The following LIPH variants were observed in gnomAD, a reference collection of about 807,000 sequenced individuals.
The protein encoded by LIPH is lipase H, also known as lipase member H.
A neutral mutation model predicts 47.6 loss-of-function variants in LIPH; 32 were observed. The ratio of observed to expected loss-of-function variants is 0.67; its 90% CI spans 0.51 to 0.90. LIPH has a LOEUF of 0.90. Among genes scored for constraint, LIPH ranks in the 40% least tolerant of loss-of-function variants. The probability of loss-of-function intolerance (pLI) is 0.00; values close to 1 mark genes in which losing one functional copy is unlikely to be tolerated. For synonymous variants in LIPH, 190 were observed against 195.6 expected (o/e 0.97, Z 0.24); for missense variants, 497 against 541.4 (o/e 0.92, Z 0.81).
Position 185,511,676 on chromosome 3 carries a change from T to C in LIPH, c.1116A>G (p.Lys372=), listed in dbSNP as rs61730237. 677,144 of 1,609,114 alleles carry C rather than the reference T, an allele frequency of 0.42. 145,189 individuals are homozygous for C. The highest frequency in any genetic ancestry group is 0.44 in the Non-Finnish European group (520,385 of 1,175,664). ...TTGCAAGTAGACTCACTTGGTGATA[T>C]TTCTGAAATGTGGTGGGTTCACTGG... ...KINHEPTTFQ[K]YHQVSLLARF... Residue 372 remains lysine (K), a synonymous_variant, in exon 9 of 10, where the codon AAA becomes AAG. Coordinates refer to ENST00000296252, the MANE Select transcript of LIPH (RefSeq NM_139248.3).
chr3:185,508,740 G>T lies in LIPH; in HGVS notation c.*50C>A, dbSNP rs1437007898. The stretch of plus-strand genomic sequence containing the variant: ...GTGAGGTGAAGCTTTCAAACAGCCT[G>T]TGGTTGTAGCTTTCTTTCTATTATT... On this transcript the variant is annotated 3_prime_UTR_variant, in exon 10 of 10. Coordinates refer to ENST00000296252, the MANE Select transcript of LIPH (RefSeq NM_139248.3). 6 of 1,308,098 alleles carry T rather than the reference G, an allele frequency of 4.6e-6. No homozygotes were observed. The highest frequency in any genetic ancestry group is 5.5e-6 in the Non-Finnish European group (5 of 901,150). The allele number at this position is 1,308,098 out of a possible 1,614,324, so 81.0% of individuals were successfully genotyped here. A position where few individuals can be genotyped will look rare whatever the true frequency, so the allele number is the denominator to read the frequency against.
chr3:185,536,608 G>A (rs1720508028), intron 1 of LIPH, among the ~76,000 whole-genome samples: 1 of 152,012 alleles, frequency 6.6e-6, no homozygotes, highest in African/African-American at 2.4e-5. Flanking sequence ...TTTTCAAAAA[G>A]GCTCTGGTAC....
intron 1 of LIPH, among the ~76,000 whole-genome samples, chr3:185,541,674 G>A (rs1188925804): frequency 2.0e-5 from 3 of 151,434 alleles, no homozygotes; most frequent in Non-Finnish European, 4.4e-5. Context: ...CCAAAGTGTG[G>A]GATTATAGGC....
chr3:185,530,289 G>A (rs1423451582), intron 3 of LIPH, among the ~76,000 whole-genome samples: 2 of 152,052 alleles, frequency 1.3e-5, no homozygotes, highest in Admixed American at 6.6e-5. Context: ...GACCAGCCTG[G>A]CCAACATGAT....
chr3:185,531,696 C>A (rs1279626831), intron 3 of LIPH, among the ~76,000 whole-genome samples: 2 of 151,900 alleles, frequency 1.3e-5, no homozygotes, highest in South Asian at 2.1e-4. Context: ...ACCTGGGCAA[C>A]AACATGAGAT....
At chr3:185,527,362 T>C in intron 4 of LIPH, 122 bp downstream of exon 4, 1 of 800,944 alleles carries the variant, frequency 1.2e-6, no homozygotes, top group Non-Finnish European at 2.2e-6. Flanking sequence ...TTTGGAACCC[T>C]GCCTGGAAAA....
chr3:185,544,527 G>A (rs1260792105), intron 1 of LIPH, among the ~76,000 whole-genome samples: 1 of 151,422 alleles, frequency 6.6e-6, no homozygotes, highest in Admixed American at 6.6e-5. Context: ...GCTAATTTTT[G>A]TATTTTTAGT....
chr3:185,517,298 G>C, intron 6 of LIPH, 136 bp from the exon 7 acceptor site: 1 of 658,864 alleles, frequency 1.5e-6, no homozygotes, highest in South Asian at 1.7e-5. Context: ...CATCCCCCAT[G>C]GTGAGGGCCT....
intron 5 of LIPH, among the ~76,000 whole-genome samples, chr3:185,522,567 G>T (rs1264426232): frequency 2.7e-5 from 4 of 150,596 alleles, no homozygotes; most frequent in African/African-American, 9.8e-5. Flanking sequence ...GGAAGGGAAT[G>T]AGGGAAGGAA....
chr3:185,509,161 C>T (rs1480040785), intron 9 of LIPH, among the ~76,000 whole-genome samples: 2 of 151,272 alleles, frequency 1.3e-5, no homozygotes, highest in East Asian at 1.9e-4. Flanking sequence ...TGTGGTAGTG[C>T]GTGTCTGTGG....
chr3:185,513,484 T>C (rs370849587), intron 8 of LIPH, among the ~76,000 whole-genome samples: 3 of 152,090 alleles, frequency 2.0e-5, no homozygotes, highest in East Asian at 3.8e-4. Flanking sequence ...ATCAGTGGGA[T>C]TGGAAAATTG....
chr3:185,530,273 G>T (rs894439865), intron 3 of LIPH, among the ~76,000 whole-genome samples: 1 of 152,120 alleles, frequency 6.6e-6, no homozygotes, highest in Non-Finnish European at 1.5e-5. Context: ...GAGGTCAGGA[G>T]TTTGAGACCA....
chr3:185,541,076 T>C (rs1214457395), intron 1 of LIPH, among the ~76,000 whole-genome samples: 1 of 152,230 alleles, frequency 6.6e-6, no homozygotes, highest in African/African-American at 2.4e-5. Context: ...TTCTCCCCAC[T>C]AACTGGACTT....
chr3:185,533,013 A>T (rs1025632836), intron 3 of LIPH, among the ~76,000 whole-genome samples: 9 of 152,158 alleles, frequency 5.9e-5, no homozygotes, highest in African/African-American at 2.2e-4. Context: ...ACTCTGAAAG[A>T]GAGAGCCGCT....
At chr3:185,513,284 G>A (rs1331909968) in intron 8 of LIPH, among the ~76,000 whole-genome samples, 2 of 150,598 alleles carry the variant, frequency 1.3e-5, no homozygotes, top group Non-Finnish European at 2.9e-5. Flanking sequence ...AGCTTGCAGT[G>A]AGCCGAGATC....
At chr3:185,519,994 T>A (rs1438780444) in intron 5 of LIPH, among the ~76,000 whole-genome samples, 1 of 152,100 alleles carries the variant, frequency 6.6e-6, no homozygotes. Context: ...CAAATATTTC[T>A]AATTCAGAGG....
chr3:185,549,136 A>C (rs1016276908), intron 1 of LIPH, among the ~76,000 whole-genome samples: 1 of 151,790 alleles, frequency 6.6e-6, no homozygotes, highest in Non-Finnish European at 1.5e-5. Context: ...TCTCAAAAAA[A>C]AAAAAAAAGA....
At chr3:185,521,447 A>C (rs563190863) in intron 5 of LIPH, among the ~76,000 whole-genome samples, 2 of 152,154 alleles carry the variant, frequency 1.3e-5, no homozygotes, top group African/African-American at 2.4e-5. Flanking sequence ...TTTAACTGGA[A>C]GCCTGGTTCT....
chr3:185,509,133 A>C (rs1201003964), intron 9 of LIPH, among the ~76,000 whole-genome samples: 1 of 151,764 alleles, frequency 6.6e-6, no homozygotes, highest in Non-Finnish European at 1.5e-5. Context: ...TCTACTAAAA[A>C]TACAAAAATT....
Sources: gnomAD v4.1 joint callset for allele counts (sites outside exome capture counted in the v4.1 genomes callset) on GRCh38, gnomAD v4.1.1 for gene constraint, MANE v1.5 for transcripts, NCBI Gene and HGNC (gene_info 2026-07-23, HGNC 2026-07-21) for gene names.